The following NEK9 variants were observed in gnomAD, a reference collection of about 807,000 sequenced individuals.
NEK9 encodes serine/threonine-protein kinase Nek9.
In NEK9, 75 loss-of-function variants were observed where a neutral mutation model predicts 123.4. The ratio of observed to expected loss-of-function variants is 0.61; its 90% CI spans 0.50 to 0.74. The LOEUF (loss-of-function observed/expected upper bound fraction) is 0.74, where lower values mean the gene tolerates loss of function less well. NEK9 is among the 30% of genes least tolerant of loss of function. The pLI is 0.00. For synonymous variants in NEK9, 438 were observed against 458.7 expected (o/e 0.95, Z 0.58); for missense variants, 952 against 1,214.4 (o/e 0.78, Z 3.21).
chr14:75,099,568 G>A (rs1365247795), intron 16 of NEK9, among the ~76,000 whole-genome samples: 1 of 151,912 alleles, frequency 6.6e-6, no homozygotes, highest in East Asian at 1.9e-4. Flanking sequence ...GATCATCTGA[G>A]GTCAGGAGTT....
chr14:75,100,070 A>T (rs1268613066), intron 16 of NEK9, among the ~76,000 whole-genome samples: 2 of 125,874 alleles, frequency 1.6e-5, no homozygotes, highest in African/African-American at 5.9e-5. Flanking sequence ...TGGAGGTTGC[A>T]GTGAGCCAAG....
intron 5 of NEK9, 76 bp from the exon 6 acceptor site, chr14:75,117,402 A>C (rs1006029159): frequency 2.7e-6 from 4 of 1,477,176 alleles, no homozygotes; most frequent in African/African-American, 2.9e-5. Flanking sequence ...AGCTTAATTA[A>C]ATTTCCTAGG....
At chr14:75,097,072 C>T (rs1198310455) in intron 17 of NEK9, 28 bp downstream of exon 17, 9 of 1,575,922 alleles carry the variant, frequency 5.7e-6, no homozygotes, top group East Asian at 2.2e-5. Flanking sequence ...TCAAAGCCAT[C>T]CCAACCCCAG....
chr14:75,105,313 A>C (rs933644771), intron 13 of NEK9, among the ~76,000 whole-genome samples: 1 of 152,170 alleles, frequency 6.6e-6, no homozygotes, highest in Non-Finnish European at 1.5e-5. Context: ...AGGAAAGAAA[A>C]AAAAAAAAGA....
At chr14:75,106,132 G>T (rs1894764628) in intron 12 of NEK9, 136 bp from the exon 13 acceptor site, 1 of 752,994 alleles carries the variant, frequency 1.3e-6, no homozygotes, top group East Asian at 2.7e-5. Flanking sequence ...GAGGCAGGTG[G>T]ATCATGAGGT....
At chr14:75,086,465 G>A (rs1341488840) in intron 21 of NEK9, 1 of 153,900 alleles carries the variant, frequency 6.5e-6, no homozygotes, top group African/African-American at 2.4e-5. Flanking sequence ...TCAGGAGAAT[G>A]TCTATTTTCA....
intron 12 of NEK9, 57 bp downstream of exon 12, chr14:75,106,445 C>A (rs755914040): frequency 6.9e-7 from 1 of 1,448,022 alleles, no homozygotes; most frequent in South Asian, 1.1e-5. Context: ...ATGCATACAA[C>A]TTTGAAGTCA....
At chr14:75,115,288 G>C (rs1895104822) in intron 6 of NEK9, among the ~76,000 whole-genome samples, 1 of 152,026 alleles carries the variant, frequency 6.6e-6, no homozygotes, top group South Asian at 2.1e-4. Context: ...GATAATTTTT[G>C]TATTTTTTAG....
At position 75,103,753 on chromosome 14, in the gene NEK9, A is replaced by G. The variant is rs1894668739; in HGVS notation, c.1731+89T>C. On this transcript the variant is annotated intron_variant, in intron 14 of 21. Coordinates refer to ENST00000238616, the MANE Select transcript of NEK9 (RefSeq NM_033116.6). ...GAGACCATAACTAAAGTCAAATTCC[A>G]TGGTCACTAACCAATAATGGCATCT... The G allele has an allele frequency of 2.1e-6, 3 of 1,402,700 alleles. No homozygotes were observed. The East Asian group carries it at 7.0e-5, about 33-fold the overall frequency. The allele number at this position is 1,402,700 out of a possible 1,614,324, so 86.9% of individuals were successfully genotyped here. A position where few individuals can be genotyped will look rare whatever the true frequency, so the allele number is the denominator to read the frequency against.
chr14:75,124,208 C>T lies in NEK9; in HGVS notation c.235G>A (p.Val79Met). 1.2e-6 allele frequency: 2 copies of T among 1,613,944 alleles called. No homozygotes were observed. The highest frequency in any genetic ancestry group is 1.7e-6 in the Non-Finnish European group (2 of 1,179,866). ...CGGGTCAAATCGACTTCCTTCCACACAACCAGTGAGTCATCCTAAACACAG... is the reference window on the plus strand; with the variant it reads ...CGGGTCAAATCGACTTCCTTCCACATAACCAGTGAGTCATCCTAAACACAG... Reference protein sequence around the residue: ...YRRTEDDSLVVWKEVDLTRLS... With the variant: ...YRRTEDDSLVMWKEVDLTRLS... Residue 79 changes from valine to methionine, a missense_variant, in exon 2 of 22, where the codon GTG (valine) becomes ATG (methionine). Around this residue, in one of 4 missense-constraint regions of NEK9, gnomAD observed 106 missense variants for 153.0 expected, o/e 0.69. Transcript: ENST00000238616.
intron 21 of NEK9, chr14:75,086,654 T>C (rs1199098149): frequency 1.3e-5 from 3 of 226,824 alleles, no homozygotes; most frequent in Admixed American, 9.8e-5. Context: ...ACACCTGTAA[T>C]CCCAGCACTT....
intron 6 of NEK9, 142 bp downstream of exon 6, chr14:75,117,053 A>G (rs1895166128): frequency 4.0e-6 from 4 of 996,236 alleles, no homozygotes; most frequent in Non-Finnish European, 5.8e-6. Flanking sequence ...ATAGCATTTT[A>G]GTAATAGATT....
chr14:75,123,026 C>T (rs175451), intron 2 of NEK9, among the ~76,000 whole-genome samples: 72,841 of 151,466 alleles, frequency 0.48, 17,941 homozygotes, highest in Middle Eastern at 0.56. Flanking sequence ...AACTCCTATG[C>T]TCAAGTGATC....
chr14:75,119,715 A>T (rs1363896066), intron 4 of NEK9, among the ~76,000 whole-genome samples: 1 of 152,254 alleles, frequency 6.6e-6, no homozygotes, highest in Non-Finnish European at 1.5e-5. Flanking sequence ...CAATGATATG[A>T]TTAGGCCATT....
intron 8 of NEK9, among the ~76,000 whole-genome samples, chr14:75,111,769 T>A (rs568019095): frequency 2.0e-5 from 3 of 152,274 alleles, no homozygotes; most frequent in Admixed American, 6.5e-5. Context: ...CGCCTGCCTG[T>A]AGTCCCAGCT....
At position 75,109,823 on chromosome 14, in the gene NEK9, T is replaced by G. The variant is rs761530054; in HGVS notation, c.1044A>C (p.Glu348Asp). Residue 348 changes from glutamate (E) to aspartate (D), a missense_variant, in exon 10 of 22, where the codon GAA becomes GAC. Coordinates refer to ENST00000238616, the MANE Select transcript of NEK9 (RefSeq NM_033116.6). ...PIAVVTSRTSEVYVWGGGKST... is the reference protein window; with the variant it reads ...PIAVVTSRTSDVYVWGGGKST... Reference sequence around the variant, plus strand: ...ATTTTCCACCACCCCAAACATAGACTTCACTGGTTCGTGATGTTACTACAG... The same window carrying G: ...ATTTTCCACCACCCCAAACATAGACGTCACTGGTTCGTGATGTTACTACAG... 1 of 1,613,982 alleles carries G rather than the reference T, an allele frequency of 6.2e-7. No homozygotes were observed. The highest frequency in any genetic ancestry group is 8.5e-7 in the Non-Finnish European group (1 of 1,179,984).
At chr14:75,117,671 A>G (rs1401305253) in intron 5 of NEK9, among the ~76,000 whole-genome samples, 1 of 152,212 alleles carries the variant, frequency 6.6e-6, no homozygotes, top group Non-Finnish European at 1.5e-5. Flanking sequence ...GAAGTTCACC[A>G]ATGGGAAAAA....
In NEK9 at chr14:75,104,672, A is replaced by C. The variant is rs927445238; in HGVS notation, c.1576-675T>G. On this transcript the variant is annotated intron_variant, in intron 13 of 21. Coordinates refer to ENST00000238616, the MANE Select transcript of NEK9 (RefSeq NM_033116.6). The stretch of plus-strand genomic sequence containing the variant: ...TAATTTTTGTGTTTTTAGTAGAGAC[A>C]GGGTTTCACCATGTTGGCCAGGCTG... 2.0e-4 allele frequency among the ~76,000 whole-genome samples: 28 copies of C among 143,480 alleles called. 1 individual carries two copies. The highest frequency in any genetic ancestry group is 1.4e-4 in the Admixed American group (2 of 14,364). 94.1% of individuals were successfully genotyped at this position (143,480 alleles called of 152,430 possible).
chr14:75,125,427 G>A (rs1566663059), intron 1 of NEK9, among the ~76,000 whole-genome samples: 1 of 152,172 alleles, frequency 6.6e-6, no homozygotes, highest in Non-Finnish European at 1.5e-5. Context: ...TTTTTGGGAA[G>A]TGTAATCAAA....
Sources: gnomAD v4.1 joint callset for allele counts (sites outside exome capture counted in the v4.1 genomes callset) on GRCh38, gnomAD v4.1.1 for gene constraint, gnomAD v4.1.1 regional missense constraint, MANE v1.5 for transcripts, NCBI Gene and HGNC (gene_info 2026-07-23, HGNC 2026-07-21) for gene names.